The following SRPK2 variants were observed in gnomAD, a reference collection of about 807,000 sequenced individuals.
SRPK2 encodes the protein SFRS protein kinase 2.
A neutral mutation model predicts 90.8 loss-of-function variants in SRPK2; 21 were observed. The ratio of observed to expected loss-of-function variants is 0.23; its 90% confidence interval spans 0.16 to 0.33. SRPK2 has a LOEUF of 0.33. Among genes scored for constraint, SRPK2 ranks in the 10% least tolerant of loss-of-function variants. The pLI is 1.00. For missense variants in SRPK2, 620 were observed against 869.0 expected, an observed-to-expected ratio of 0.71 and a Z score of 3.60; for synonymous variants, 288 against 311.1, an observed-to-expected ratio of 0.93 and a Z score of 0.78.
At chr7:105,131,365 C>T (rs1178485582) in intron 13 of SRPK2, among the ~76,000 whole-genome samples, 1 of 152,224 alleles carries the variant, frequency 6.6e-6, no homozygotes, top group East Asian at 1.9e-4. Context: ...CCTCTCCACA[C>T]AGCACTCTCT....
intron 4 of SRPK2, among the ~76,000 whole-genome samples, chr7:105,168,372 T>C (rs1438852929): frequency 6.6e-6 from 1 of 152,204 alleles, no homozygotes; most frequent in Admixed American, 6.5e-5. Context: ...TGAAATATAA[T>C]GAATTTTGTG....
chr7:105,204,764 C>T (rs1251475019), intron 2 of SRPK2: 2 of 562,230 alleles, frequency 3.6e-6, no homozygotes, highest in Non-Finnish European at 3.4e-6. Flanking sequence ...AATTCTTTAG[C>T]ACCAGTTCCT....
At chr7:105,398,267 G>A (rs1822383053) in intron 1 of SRPK2, among the ~76,000 whole-genome samples, 1 of 152,056 alleles carries the variant, frequency 6.6e-6, no homozygotes, top group South Asian at 2.1e-4. Context: ...TCCCAGTGGA[G>A]TCACTAAATC....
At chr7:105,332,740 G>A (rs1322842632) in intron 2 of SRPK2, 1 of 151,750 alleles carries the variant, frequency 6.6e-6, no homozygotes, top group African/African-American at 2.4e-5. Flanking sequence ...ACTCCAGCCC[G>A]GGTGACAGAG....
intron 2 of SRPK2, among the ~76,000 whole-genome samples, chr7:105,320,573 T>C (rs1812826674): frequency 6.6e-6 from 1 of 152,094 alleles, no homozygotes; most frequent in African/African-American, 2.4e-5. Context: ...CCCATAAAAA[T>C]AAAAATAAAA....
rs775106185 is a variant in SRPK2, at chr7:105,168,409, T to C, written c.339-314A>G. ...TTAGATCTGGGTCACATCTCCAAGA[T>C]AGGTCATTGTGTATATACACAAATA... is the stretch of plus-strand genomic sequence containing the variant. On this transcript the variant is annotated intron_variant, in intron 4 of 15. Transcript: ENST00000393651. Among the ~76,000 whole-genome samples, 40 of 152,302 alleles carry C rather than the reference T, an allele frequency of 2.6e-4. No homozygotes were observed. In the Middle Eastern group the frequency reaches 0.01, roughly 39 times the overall value.
chr7:105,176,559 G>A (rs1585059475), intron 3 of SRPK2, among the ~76,000 whole-genome samples: 2 of 49,144 alleles, frequency 4.1e-5, no homozygotes, highest in Admixed American at 4.5e-4. Flanking sequence ...TTGCATATAT[G>A]TGTGTGTGTG....
rs1491065975 is a variant in SRPK2 at position 105,170,927 on chromosome 7, A to AAG, written c.230-1663_230-1662insCT. Among the ~76,000 whole-genome samples, 192 of 91,536 alleles carry AAG rather than the reference A, an allele frequency of 2.1e-3. 3 individuals carry two copies. The highest frequency in any genetic ancestry group is 6.0e-3 in the African/African-American group (147 of 24,522). 60.1% of individuals were successfully genotyped at this position (91,536 alleles called of 152,430 possible). On this transcript the variant is annotated intron_variant, in intron 3 of 15. Transcript: ENST00000393651. ...AGAAAGAAAGAAAGGAGAAAGAAAA[A>AAG]GAAAAAGGAAAGAAAGAAAGAAAGA...
In SRPK2 at chr7:105,168,078, G is replaced by C; in HGVS notation, c.356C>G (p.Ala119Gly). Residue 119 changes from alanine (A) to glycine (G), a missense_variant, in exon 5 of 16, where the codon GCA (alanine) becomes GGA (glycine). This residue lies in a region of SRPK2 where 196 missense variants were observed against 339.2 expected (regional missense o/e 0.58). Transcript: ENST00000393651. ...CWDMQGKRFV[A>G]MKVVKSAQHY... is the part of the protein sequence containing the mutation. ...CTGGGCACTTTTTACAACTTTCATT[G>C]CAACAAATCTTTTCCCCCTAAAAGA... 1 of 1,611,502 alleles carries C rather than the reference G, an allele frequency of 6.2e-7. No homozygotes were observed. The highest frequency in any genetic ancestry group is 8.5e-7 in the Non-Finnish European group (1 of 1,178,734).
intron 13 of SRPK2, among the ~76,000 whole-genome samples, chr7:105,129,117 A>G (rs1408020204): frequency 3.3e-5 from 5 of 152,048 alleles, no homozygotes; most frequent in Non-Finnish European, 4.4e-5. Context: ...GCCCGCCACC[A>G]CGCCCGGCTA....
At chr7:105,299,826 G>A (rs539855063) in intron 2 of SRPK2, among the ~76,000 whole-genome samples, 14 of 152,206 alleles carry the variant, frequency 9.2e-5, no homozygotes, top group South Asian at 6.2e-4. Flanking sequence ...CCCAGGCGGC[G>A]TAAGTTGCAG....
intron 7 of SRPK2, among the ~76,000 whole-genome samples, chr7:105,149,736 T>C (rs1805343468): frequency 6.6e-6 from 1 of 152,216 alleles, no homozygotes; most frequent in Non-Finnish European, 1.5e-5. Context: ...CTATTAGTAG[T>C]TAGCCTACTG....
chr7:105,159,366 G>T (rs1807069741), intron 7 of SRPK2, among the ~76,000 whole-genome samples: 1 of 145,040 alleles, frequency 6.9e-6, no homozygotes, highest in African/African-American at 2.6e-5. Context: ...AGCACCTATA[G>T]TCCCAGCTGC....
At position 105,324,433 on chromosome 7, in the gene SRPK2, G is replaced by A. The variant is rs534379904; in HGVS notation, c.71+64215C>T. 2.2e-4 allele frequency among the ~76,000 whole-genome samples: 34 copies of A among 151,592 alleles called. 1 individual carries two copies. In the South Asian group the frequency reaches 3.4e-3, roughly 15 times the overall value. ...TGCCTCCCAAGTTCAAACAATTCTC[G>A]GCCTCCCTAAGTGCTGGGATTACAG... On this transcript the variant is annotated intron_variant, in intron 2 of 15. Transcript: ENST00000393651.
chr7:105,197,982 T>C (rs1439759368), intron 3 of SRPK2, among the ~76,000 whole-genome samples: 1 of 152,216 alleles, frequency 6.6e-6, no homozygotes, highest in Non-Finnish European at 1.5e-5. Context: ...AGTATGTCCT[T>C]GTAGCAGGTA....
chr7:105,169,596 G>A (rs1790541351), intron 3 of SRPK2, among the ~76,000 whole-genome samples: 1 of 152,120 alleles, frequency 6.6e-6, no homozygotes, highest in South Asian at 2.1e-4. Context: ...GCATGGTGGC[G>A]AGCACCTGTA....
At chr7:105,311,694 T>C (rs1811723172) in intron 2 of SRPK2, among the ~76,000 whole-genome samples, 1 of 152,166 alleles carries the variant, frequency 6.6e-6, no homozygotes, top group Admixed American at 6.5e-5. Flanking sequence ...AGACAATAAG[T>C]GTAGGCAAGG....
intron 3 of SRPK2, among the ~76,000 whole-genome samples, chr7:105,192,985 C>T (rs1246288733): frequency 2.0e-5 from 3 of 152,034 alleles, no homozygotes; most frequent in Admixed American, 6.6e-5. Context: ...CCTACGCTTT[C>T]GGTTGTCTGT....
At chr7:105,294,346 A>C (rs1005669396) in intron 2 of SRPK2, among the ~76,000 whole-genome samples, 1 of 152,204 alleles carries the variant, frequency 6.6e-6, no homozygotes, top group African/African-American at 2.4e-5. Context: ...GCAAGGTATG[A>C]ATCCAATAAA....
Sources: gnomAD v4.1 joint callset for allele counts (sites outside exome capture counted in the v4.1 genomes callset) on GRCh38, gnomAD v4.1.1 for gene constraint, gnomAD v4.1.1 regional missense constraint, MANE v1.5 for transcripts, NCBI Gene and HGNC (gene_info 2026-07-23, HGNC 2026-07-21) for gene names.